The following CNOT6L variants were observed in gnomAD, a reference collection of about 807,000 sequenced individuals.
The protein encoded by CNOT6L is CCR4-NOT transcription complex subunit 6-like.
CNOT6L carries 7 observed loss-of-function variants against 64.0 expected under a neutral mutation model. That is an observed-to-expected ratio of 0.11 (90% confidence interval 0.06 to 0.21). The LOEUF (loss-of-function observed/expected upper bound fraction) is 0.21, where lower values mean the gene tolerates loss of function less well. CNOT6L is among the 10% of genes least tolerant of loss of function. CNOT6L has a pLI of 1.00. For missense variants in CNOT6L, 245 were observed against 669.0 expected (o/e 0.37, Z 6.99); for synonymous variants, 193 against 243.4 (o/e 0.79, Z 1.93).
rs949540672 is a variant in CNOT6L at position 77,715,325 on chromosome 4, A to G, written c.*5106T>C. On this transcript the variant is annotated 3_prime_UTR_variant, in exon 12 of 12. Coordinates refer to ENST00000504123, the MANE Select transcript of CNOT6L (RefSeq NM_144571.3). ...TGACATACTTCTAAAATGCAGTTCA[A>G]TGCTACTCAGTTTATACAATGTACC... The G allele has an allele frequency of 6.6e-5, 10 of 152,110 alleles. No individual in the cohort carries two copies. The highest frequency in any genetic ancestry group is 3.9e-4 in the East Asian group (2 of 5,190). The allele number at this position is 152,110 out of a possible 1,614,324, so 9.4% of individuals were successfully genotyped here.
intron 5 of CNOT6L, among the ~76,000 whole-genome samples, 176 bp from the exon 6 acceptor site, chr4:77,748,560 A>C (rs866201422): frequency 6.6e-6 from 1 of 152,202 alleles, no homozygotes; most frequent in Non-Finnish European, 1.5e-5. Context: ...CAGAAAAGCT[A>C]TGCAGAGAAC....
intron 10 of CNOT6L, among the ~76,000 whole-genome samples, chr4:77,727,555 T>C (rs111543515): frequency 3.2e-5 from 3 of 93,414 alleles, no homozygotes; most frequent in Non-Finnish European, 5.6e-5. Flanking sequence ...AGAGCACAAC[T>C]CTGTCTCAAA....
At chr4:77,803,279 CTTT>C (rs1051931813) in intron 1 of CNOT6L, among the ~76,000 whole-genome samples, 58 of 152,002 alleles carry the variant, frequency 3.8e-4, no homozygotes, top group Middle Eastern at 6.8e-3. Flanking sequence ...ATATGTATGA[CTTT>C]TTGTTATTAA....
At chr4:77,796,360 T>C (rs1730849455) in intron 1 of CNOT6L, among the ~76,000 whole-genome samples, 1 of 152,072 alleles carries the variant, frequency 6.6e-6, no homozygotes. Context: ...AGGTGCTTGG[T>C]GGGAAGTGAT....
intron 4 of CNOT6L, among the ~76,000 whole-genome samples, chr4:77,771,264 T>C (rs1727525785): frequency 1.3e-5 from 2 of 151,832 alleles, no homozygotes; most frequent in South Asian, 4.2e-4. Flanking sequence ...CGGGAGGCGG[T>C]GGTTGCAGTG....
chr4:77,813,965 T>C (rs1733265936), intron 1 of CNOT6L, among the ~76,000 whole-genome samples: 1 of 152,198 alleles, frequency 6.6e-6, no homozygotes, highest in South Asian at 2.1e-4. Context: ...AGCGGCATGA[T>C]TTATAATGAT....
At chr4:77,812,455 A>T (rs1050186052) in intron 1 of CNOT6L, among the ~76,000 whole-genome samples, 2 of 151,528 alleles carry the variant, frequency 1.3e-5, no homozygotes, top group African/African-American at 4.9e-5. Context: ...AAAGAAAAAA[A>T]AAACTATTAG....
At chr4:77,803,867 C>A (rs1315153912) in intron 1 of CNOT6L, among the ~76,000 whole-genome samples, 1 of 151,820 alleles carries the variant, frequency 6.6e-6, no homozygotes, top group African/African-American at 2.4e-5. Flanking sequence ...CATGCTATTG[C>A]ACTCCAGCCT....
rs1729105248 is a variant in CNOT6L at position 77,783,349 on chromosome 4, C to T, written c.6-6957G>A. 2.6e-5 allele frequency among the ~76,000 whole-genome samples: 4 copies of T among 152,314 alleles called. No homozygotes were observed. In the South Asian group the frequency reaches 8.3e-4, roughly 32 times the overall value. ...GTGCTTCAATAGTGAACAAGTTGGA[C>T]ATTGTCCTTACCCGCATGGAGCATA... On this transcript the variant is annotated intron_variant, in intron 1 of 11. Coordinates refer to ENST00000504123, the MANE Select transcript of CNOT6L (RefSeq NM_144571.3).
intron 1 of CNOT6L, among the ~76,000 whole-genome samples, chr4:77,778,955 G>C (rs1455865762): frequency 6.7e-6 from 1 of 150,018 alleles, no homozygotes; most frequent in Non-Finnish European, 1.5e-5. Context: ...GCTGAGGTAG[G>C]AGAATGGCGT....
intron 1 of CNOT6L, among the ~76,000 whole-genome samples, chr4:77,816,433 T>G (rs549716144): frequency 6.6e-6 from 1 of 152,128 alleles, no homozygotes; most frequent in African/African-American, 2.4e-5. Context: ...TATAACCACA[T>G]GGCAGAAGAT....
At chr4:77,746,301 T>C (rs941402695) in intron 6 of CNOT6L, among the ~76,000 whole-genome samples, 6 of 152,188 alleles carry the variant, frequency 3.9e-5, no homozygotes, top group Admixed American at 3.9e-4. Context: ...ACCTAAGTGT[T>C]ATTACCACTC....
chr4:77,732,474 C>A (rs1029568512), intron 8 of CNOT6L, among the ~76,000 whole-genome samples: 19 of 152,164 alleles, frequency 1.2e-4, no homozygotes, highest in Admixed American at 1.1e-3. Context: ...CACTTTCCTT[C>A]AAGCTTTGAA....
rs34937110 is a variant in CNOT6L, at chr4:77,798,821, T to TAA, written c.5+20481_5+20482dup. ...CAACATAGTTAGACCCCATTTCAAT[T>TAA]AAAAAAAAAAAATAGCCAGGCATGG... On this transcript the variant is annotated intron_variant, in intron 1 of 11. Transcript: ENST00000504123. Among the ~76,000 whole-genome samples the TAA allele has an allele frequency of 2.0e-3, 298 of 145,526 alleles. 1 individual carries two copies. Among genetic ancestry groups the TAA allele is most frequent in the African/African-American group, 5.4e-3 (213 of 39,434 alleles).
At chr4:77,766,744 A>G (rs530702709) in intron 4 of CNOT6L, among the ~76,000 whole-genome samples, 1 of 151,520 alleles carries the variant, frequency 6.6e-6, no homozygotes, top group South Asian at 2.1e-4. Flanking sequence ...AAAAGAGAAA[A>G]AAAAAAAGAA....
At chr4:77,796,179 T>C (rs1464134032) in intron 1 of CNOT6L, among the ~76,000 whole-genome samples, 1 of 152,054 alleles carries the variant, frequency 6.6e-6, no homozygotes, top group Non-Finnish European at 1.5e-5. Flanking sequence ...TTATAGAAAT[T>C]AACATGCTTA....
At chr4:77,739,615 G>A (rs1045736040) in intron 8 of CNOT6L, among the ~76,000 whole-genome samples, 2 of 152,164 alleles carry the variant, frequency 1.3e-5, no homozygotes, top group African/African-American at 4.8e-5. Flanking sequence ...AGGTGGTTTT[G>A]TTCTACCTAT....
Position 77,717,368 on chromosome 4 carries a change from C to CTCT in CNOT6L, c.*3060_*3062dup, listed in dbSNP as rs1156654087. On this transcript the variant is annotated 3_prime_UTR_variant, in exon 12 of 12. Coordinates refer to ENST00000504123, the MANE Select transcript of CNOT6L (RefSeq NM_144571.3). ...TAATAATGGCAAACAGTACAGTTTTCTCTTCCTCAAACAATACTGTTTTAG... is the reference window on the plus strand; with the variant it reads ...TAATAATGGCAAACAGTACAGTTTTCTCTTCTTCCTCAAACAATACTGTTTTAG... 6.6e-6 allele frequency: 1 copy of CTCT among 152,452 alleles called. No homozygotes were observed. The highest frequency in any genetic ancestry group is 1.9e-4 in the East Asian group (1 of 5,192). 9.4% of individuals were successfully genotyped at this position (152,452 alleles called of 1,614,324 possible). A position where few individuals can be genotyped will look rare whatever the true frequency, so the allele number is the denominator to read the frequency against.
chr4:77,785,950 A>G (rs150007073), intron 1 of CNOT6L, among the ~76,000 whole-genome samples: 6 of 152,306 alleles, frequency 3.9e-5, no homozygotes, highest in Admixed American at 2.0e-4. Flanking sequence ...AGGGACAGAC[A>G]AAGCGAAAAT....
Sources: gnomAD v4.1 joint callset for allele counts (sites outside exome capture counted in the v4.1 genomes callset) on GRCh38, gnomAD v4.1.1 for gene constraint, MANE v1.5 for transcripts, NCBI Gene and HGNC (gene_info 2026-07-23, HGNC 2026-07-21) for gene names.